Variants in FRMD6 observed in about 807,000 individuals in gnomAD.
FRMD6 encodes the protein FERM domain containing 6.
Under a neutral mutation model 73.2 loss-of-function variants are expected in FRMD6, and 37 were observed. The observed-to-expected ratio is 0.51, with a 90% CI of 0.39 to 0.66. The LOEUF is 0.66. Among genes scored for constraint, FRMD6 ranks in the 30% least tolerant of loss-of-function variants. FRMD6 has a pLI of 0.00. For synonymous variants in FRMD6, 273 were observed against 282.2 expected (o/e 0.97, Z 0.33); for missense variants, 714 against 780.5 (o/e 0.91, Z 1.02).
At chr14:51,569,749 A>C (rs1366914983) in intron 1 of FRMD6, among the ~76,000 whole-genome samples, 1 of 151,100 alleles carries the variant, frequency 6.6e-6, no homozygotes, top group Non-Finnish European at 1.5e-5. Flanking sequence ...TGATGTGCCC[A>C]TGTCAGCCTC....
Position 51,689,844 on chromosome 14 carries a change from A to G in FRMD6, c.8A>G (p.Lys3Arg), listed in dbSNP as rs1411260266. ...CAGAGTGCCCAAAACACAATGAACA[A>G]ATTGAATTTTCATAACAACAGAGTC... is the stretch of plus-strand genomic sequence containing the variant. The part of the protein sequence containing the change: MN[K>R]LNFHNNRVMQ... Residue 3 changes from lysine to arginine, a missense_variant, in exon 2 of 14, where the codon AAA (lysine) becomes AGA (arginine). By Grantham distance (26) the Lys-to-Arg change is conservative (BLOSUM62 2). Transcript: ENST00000344768. 1.2e-6 allele frequency: 2 copies of G among 1,610,122 alleles called. 1 individual carries two copies. The highest frequency in any genetic ancestry group is 2.2e-5 in the South Asian group (2 of 90,974).
At chr14:51,479,191 A>G in the FRMD6 span, among the ~76,000 whole-genome samples, 2 of 152,226 alleles carry the variant, frequency 1.3e-5, no homozygotes, top group Non-Finnish European at 2.9e-5. Context: ...TTAGAAAAAA[A>G]ATCACATAGG....
chr14:51,599,769 G>A (rs150142374), intron 2 of FRMD6: 17 of 151,652 alleles, frequency 1.1e-4, no homozygotes, highest in African/African-American at 4.1e-4. Context: ...TTGTAGCCAG[G>A]TTCTGAATGA....
chr14:51,481,581 A>G, the FRMD6 span, among the ~76,000 whole-genome samples: 1 of 152,258 alleles, frequency 6.6e-6, no homozygotes, highest in Non-Finnish European at 1.5e-5. Context: ...TTGCAAAAGT[A>G]TACGGTGTAA....
chr14:51,629,498 A>C (rs1891256385), intron 2 of FRMD6, among the ~76,000 whole-genome samples: 1 of 152,214 alleles, frequency 6.6e-6, no homozygotes, highest in Admixed American at 6.5e-5. Context: ...TGGGGGTTCC[A>C]GTTGTTCCAC....
At chr14:51,432,960 A>T in the FRMD6 span, among the ~76,000 whole-genome samples, 242 of 152,370 alleles carry the variant, frequency 1.6e-3, 3 homozygotes, top group African/African-American at 5.6e-3. Flanking sequence ...GCCCTTAAAC[A>T]TGAAACTTGT....
intron 1 of FRMD6, among the ~76,000 whole-genome samples, chr14:51,507,083 GACACACACACACACACACACACAC>G (rs200052672): frequency 0.01 from 1,441 of 139,082 alleles, 21 homozygotes; most frequent in African/African-American, 0.035. Context: ...TGGTTGTATA[GACACACACACACACACACACACAC>G]ACACACACAC....
intron 1 of FRMD6, among the ~76,000 whole-genome samples, chr14:51,544,851 T>G (rs1168385425): frequency 6.6e-6 from 1 of 152,034 alleles, no homozygotes; most frequent in Non-Finnish European, 1.5e-5. Context: ...CTTAATCTTC[T>G]GTAGTATGGG....
chr14:51,476,416 T>A, the FRMD6 span, among the ~76,000 whole-genome samples: 24 of 152,152 alleles, frequency 1.6e-4, no homozygotes, highest in African/African-American at 5.3e-4. Flanking sequence ...CTGAGACACC[T>A]GAACAAGCTA....
intron 1 of FRMD6, among the ~76,000 whole-genome samples, chr14:51,569,481 T>C (rs1343913468): frequency 6.6e-6 from 1 of 151,352 alleles, no homozygotes; most frequent in Admixed American, 6.6e-5. Flanking sequence ...TATTTAATAA[T>C]AGAATTTTCT....
At chr14:51,542,351 C>T (rs1886245240) in intron 1 of FRMD6, among the ~76,000 whole-genome samples, 1 of 152,014 alleles carries the variant, frequency 6.6e-6, no homozygotes, top group Admixed American at 6.6e-5. Flanking sequence ...TTTGCTCATT[C>T]TGGATATTTT....
intron 2 of FRMD6, among the ~76,000 whole-genome samples, chr14:51,696,751 C>CAAAA (rs34528270): frequency 8.0e-6 from 1 of 125,560 alleles, no homozygotes. Context: ...CCTGTCTCTA[C>CAAAA]AAAAAAAAAA....
intron 3 of FRMD6, among the ~76,000 whole-genome samples, chr14:51,699,531 T>C (rs556354600): frequency 6.6e-6 from 1 of 152,220 alleles, no homozygotes; most frequent in African/African-American, 2.4e-5. Flanking sequence ...GATAGTAGTA[T>C]GGCGAAAGAA....
Position 51,557,265 on chromosome 14 carries a change from T to C in FRMD6, c.-209-13083T>C, listed in dbSNP as rs200729929. ...TGTGACATATATATATATATATATATATACACACATACATACATACATACA... is the reference window on the plus strand; with the variant it reads ...TGTGACATATATATATATATATATACATACACACATACATACATACATACA... On this transcript the variant is annotated intron_variant, in intron 1 of 14. Transcript: ENST00000356218. Among the ~76,000 whole-genome samples the C allele has an allele frequency of 3.2e-4, 40 of 124,574 alleles. No homozygotes were observed. The South Asian group carries it at 8.7e-3, about 27-fold the overall frequency. The allele number at this position is 124,574 out of a possible 152,430, so 81.7% of individuals were successfully genotyped here.
chr14:51,428,195 T>TA, the FRMD6 span, among the ~76,000 whole-genome samples: 2 of 152,190 alleles, frequency 1.3e-5, 1 homozygote, highest in South Asian at 4.1e-4. Flanking sequence ...GTGAACTTCC[T>TA]AGGTCAGTGA....
intron 1 of FRMD6, among the ~76,000 whole-genome samples, chr14:51,551,646 A>C (rs1886846770): frequency 6.6e-6 from 1 of 152,136 alleles, no homozygotes; most frequent in African/African-American, 2.4e-5. Flanking sequence ...CTGAGGTGGA[A>C]GGATGGCTTG....
intron 1 of FRMD6, among the ~76,000 whole-genome samples, chr14:51,658,769 A>T (rs1893013149): frequency 6.6e-6 from 1 of 152,192 alleles, no homozygotes; most frequent in Non-Finnish European, 1.5e-5. Context: ...GCAAAGGAAA[A>T]CTATTCATGT....
intron 2 of FRMD6, among the ~76,000 whole-genome samples, chr14:51,628,800 CA>C (rs764713119): frequency 0.016 from 847 of 52,200 alleles, no homozygotes; most frequent in Non-Finnish European, 0.024. Flanking sequence ...GACTCTGTCT[CA>C]AAAAAAAAAA....
chr14:51,449,885 C>T, the FRMD6 span, among the ~76,000 whole-genome samples: 14 of 152,352 alleles, frequency 9.2e-5, no homozygotes, highest in East Asian at 2.1e-3. Flanking sequence ...CTGATTTCCT[C>T]TGCCTAGAAA....
Sources: allele counts gnomAD v4.1 joint callset (sites outside exome capture counted in the v4.1 genomes callset), GRCh38; gene constraint gnomAD v4.1.1; transcripts MANE v1.5; gene names NCBI Gene and HGNC (gene_info 2026-07-23, HGNC 2026-07-21).